The following TFEC variants were observed in gnomAD, a reference collection of about 807,000 sequenced individuals.
TFEC encodes the protein transcription factor EC.
Under a neutral mutation model 41.6 loss-of-function variants are expected in TFEC, and 31 were observed. The observed-to-expected ratio is 0.74, with a 90% confidence interval of 0.56 to 1.01. TFEC has a LOEUF of 1.01. Among genes scored for constraint, TFEC ranks in the 50% least tolerant of loss-of-function variants. The pLI is 0.00. For synonymous variants in TFEC, 143 were observed against 140.6 expected (o/e 1.02, Z -0.12); for missense variants, 402 against 404.1 (o/e 0.99, Z 0.04).
chr7:116,056,216 T>G (rs575936565), intron 3 of TFEC, among the ~76,000 whole-genome samples: 11 of 151,600 alleles, frequency 7.3e-5, no homozygotes, highest in African/African-American at 2.4e-4. Flanking sequence ...AAAGGTAAGC[T>G]CGACAATTTT....
rs62475168 is a variant in TFEC at position 116,045,971 on chromosome 7, G to A, written c.199-61458C>T. On this transcript the variant is annotated intron_variant, in intron 3 of 8. Coordinates refer to the TFEC transcript ENST00000484212. ...GCTCCATTGGATTTTTGACTTGGAT[G>A]GGCCCTGTAACCCCTTTGTTTTGGC... Among the ~76,000 whole-genome samples the A allele has an allele frequency of 4.4e-3, 674 of 152,294 alleles. 3 individuals are homozygous for A. Among genetic ancestry groups the A allele is most frequent in the Non-Finnish European group, 7.0e-3 (477 of 68,022 alleles).
At chr7:115,982,427 A>C (rs191679701) in intron 2 of TFEC, among the ~76,000 whole-genome samples, 207 of 152,348 alleles carry the variant, frequency 1.4e-3, no homozygotes, top group Non-Finnish European at 2.5e-3. Flanking sequence ...TCCAAGAACC[A>C]GTAAAAGTAT....
At chr7:116,055,601 G>T (rs953572851) in intron 3 of TFEC, among the ~76,000 whole-genome samples, 1 of 151,862 alleles carries the variant, frequency 6.6e-6, no homozygotes, top group African/African-American at 2.4e-5. Context: ...TATTTTGATA[G>T]ATATTTCATA....
At chr7:115,947,735 T>C (rs1026249920) in intron 6 of TFEC, among the ~76,000 whole-genome samples, 6 of 145,700 alleles carry the variant, frequency 4.1e-5, no homozygotes, top group African/African-American at 7.5e-5. Context: ...GAAGTGTCTG[T>C]TCATGTCGTT....
chr7:116,009,336 T>C (rs1352723586), intron 1 of TFEC, among the ~76,000 whole-genome samples: 5 of 152,182 alleles, frequency 3.3e-5, no homozygotes, highest in African/African-American at 9.6e-5. Context: ...GCCATGCACA[T>C]ACTAAAGTCA....
chr7:116,105,666 GC>G (rs1244894933), intron 3 of TFEC, among the ~76,000 whole-genome samples: 1 of 152,060 alleles, frequency 6.6e-6, no homozygotes, highest in African/African-American at 2.4e-5. Context: ...CAGCAGGAAG[GC>G]CAGTGGCAGT....
chr7:116,048,429 G>A (rs1334629591), intron 3 of TFEC, among the ~76,000 whole-genome samples: 2 of 152,286 alleles, frequency 1.3e-5, no homozygotes, highest in East Asian at 3.9e-4. Context: ...GAAGCTTAGA[G>A]AAAAAAGAGT....
chr7:116,112,139 C>A (rs1057211216), intron 1 of TFEC: 1 of 501,912 alleles, frequency 2.0e-6, no homozygotes, highest in Non-Finnish European at 2.6e-6. Flanking sequence ...CAAAAACATA[C>A]ATTGGATGTT....
At chr7:116,065,949 A>C (rs1796685506) in intron 3 of TFEC, among the ~76,000 whole-genome samples, 1 of 152,104 alleles carries the variant, frequency 6.6e-6, no homozygotes, top group African/African-American at 2.4e-5. Flanking sequence ...GCAGCTAAAA[A>C]ATGGAATGCA....
At chr7:115,957,610 C>T (rs1792303729) in intron 3 of TFEC, among the ~76,000 whole-genome samples, 1 of 151,702 alleles carries the variant, frequency 6.6e-6, no homozygotes, top group Non-Finnish European at 1.5e-5. Context: ...CTCATTATTC[C>T]AGAACAAGCT....
chr7:116,143,802 T>G (rs1239536194), intron 1 of TFEC, among the ~76,000 whole-genome samples: 1 of 152,166 alleles, frequency 6.6e-6, no homozygotes, highest in Non-Finnish European at 1.5e-5. Flanking sequence ...TAATGTTTAG[T>G]ACAGGTTTAT....
intron 3 of TFEC, among the ~76,000 whole-genome samples, chr7:116,080,915 A>G (rs1030313467): frequency 6.6e-6 from 1 of 151,928 alleles, no homozygotes; most frequent in Non-Finnish European, 1.5e-5. Context: ...ACAATTTGCA[A>G]TTGCAAAAAT....
At chr7:116,143,779 A>G (rs1035425710) in intron 1 of TFEC, among the ~76,000 whole-genome samples, 26 of 152,190 alleles carry the variant, frequency 1.7e-4, no homozygotes, top group African/African-American at 5.8e-4. Flanking sequence ...ACATATCACA[A>G]TGCCCTTAAT....
At chr7:116,043,449 A>T (rs1034199856) in intron 3 of TFEC, among the ~76,000 whole-genome samples, 1 of 152,202 alleles carries the variant, frequency 6.6e-6, no homozygotes, top group African/African-American at 2.4e-5. Flanking sequence ...AAAAGTTCTT[A>T]AAGGTATCAG....
At chr7:115,987,236 CA>C (rs2130693987) in intron 1 of TFEC, among the ~76,000 whole-genome samples, 1 of 152,186 alleles carries the variant, frequency 6.6e-6, no homozygotes, top group Admixed American at 6.5e-5. Context: ...CTTGGTGTAG[CA>C]TGGAAAGATT....
intron 3 of TFEC, among the ~76,000 whole-genome samples, chr7:116,038,700 G>C (rs961676671): frequency 3.3e-5 from 5 of 152,000 alleles, no homozygotes; most frequent in Admixed American, 2.6e-4. Context: ...GATTGACATT[G>C]TAGCTTCCTA....
At chr7:115,949,900 A>G (rs1035193931) in intron 6 of TFEC, among the ~76,000 whole-genome samples, 3 of 152,182 alleles carry the variant, frequency 2.0e-5, no homozygotes, top group Non-Finnish European at 2.9e-5. Flanking sequence ...AACTACCATC[A>G]GAATGAACAG....
chr7:115,967,460 A>T (rs1226601089), intron 3 of TFEC, among the ~76,000 whole-genome samples: 2 of 151,838 alleles, frequency 1.3e-5, no homozygotes, highest in African/African-American at 4.8e-5. Context: ...TTGGCGTTTG[A>T]AAGATTATTG....
At chr7:115,951,931 C>G (rs1209538031) in intron 5 of TFEC, among the ~76,000 whole-genome samples, 34 of 151,962 alleles carry the variant, frequency 2.2e-4, no homozygotes, top group Admixed American at 2.2e-3. Context: ...ATAACATATA[C>G]TTATACATGG....
Sources: gnomAD v4.1 joint callset for allele counts (sites outside exome capture counted in the v4.1 genomes callset) on GRCh38, gnomAD v4.1.1 for gene constraint, MANE v1.5 for transcripts, NCBI Gene and HGNC (gene_info 2026-07-23, HGNC 2026-07-21) for gene names.